ANO1: variants seen among roughly 807,000 people sequenced by gnomAD.
ANO1 encodes the protein anoctamin 1.
In ANO1, 59 loss-of-function variants were observed where a neutral mutation model predicts 124.0. The observed-to-expected ratio is 0.48, with a 90% CI of 0.39 to 0.59. The LOEUF (loss-of-function observed/expected upper bound fraction) is 0.59. Among genes scored for constraint, ANO1 ranks in the 20% least tolerant of loss-of-function variants. ANO1 has a pLI of 0.00. For synonymous variants in ANO1, 529 were observed against 532.0 expected, an observed-to-expected ratio of 0.99 and a Z score of 0.08; for missense variants, 1,059 against 1,328.0, an observed-to-expected ratio of 0.80 and a Z score of 3.15.
At chr11:70,053,479 TG>T (rs145111100) in intron 1 of ANO1, among the ~76,000 whole-genome samples, 1,595 of 152,330 alleles carry the variant, frequency 0.01, 26 homozygotes, top group African/African-American at 0.036. Context: ...AAATGCTTTT[TG>T]TAGCACCTAC....
intron 2 of ANO1, among the ~76,000 whole-genome samples, chr11:70,092,811 G>A (rs34309799): frequency 0.11 from 17,278 of 152,208 alleles, 1,122 homozygotes; most frequent in East Asian, 0.25. Context: ...GCCTGTTGAG[G>A]TCGGAGCCAT....
intron 1 of ANO1, among the ~76,000 whole-genome samples, chr11:70,041,852 T>C (rs1442307110): frequency 6.6e-6 from 1 of 152,222 alleles, no homozygotes; most frequent in African/African-American, 2.4e-5. Flanking sequence ...AAGTTCCTGG[T>C]TATTTTCCTG....
chr11:70,106,201 C>A (rs899276511), intron 5 of ANO1, among the ~76,000 whole-genome samples: 2 of 152,058 alleles, frequency 1.3e-5, no homozygotes, highest in Non-Finnish European at 2.9e-5. Flanking sequence ...GGCAAAGGCG[C>A]GTGGGTTGAG....
chr11:70,077,439 A>G (rs1012001592), upstream of ANO1, among the ~76,000 whole-genome samples: 2 of 152,184 alleles, frequency 1.3e-5, no homozygotes, highest in Non-Finnish European at 2.9e-5. Flanking sequence ...GGTGGCCAGC[A>G]TGGCCCCTGG....
chr11:70,098,582 T>G (rs1429724220), intron 2 of ANO1, among the ~76,000 whole-genome samples: 1 of 152,202 alleles, frequency 6.6e-6, no homozygotes, highest in Admixed American at 6.5e-5. Flanking sequence ...TGAAGCGGCC[T>G]GTGAGGACCA....
intron 1 of ANO1, among the ~76,000 whole-genome samples, chr11:69,999,601 G>A (rs945808113): frequency 5.3e-5 from 8 of 152,248 alleles, no homozygotes; most frequent in Middle Eastern, 3.4e-3. Context: ...TTGGCTTTAC[G>A]CACCATCTGG....
intron 11 of ANO1, among the ~76,000 whole-genome samples, chr11:70,136,063 G>C (rs1016534153): frequency 1.3e-5 from 2 of 152,354 alleles, no homozygotes; most frequent in Middle Eastern, 3.4e-3. Context: ...CGTCCTTTGA[G>C]AGGATGCAGG....
intron 5 of ANO1, among the ~76,000 whole-genome samples, chr11:70,107,484 T>G: frequency 1.2e-4 from 5 of 40,604 alleles, no homozygotes; most frequent in African/African-American, 2.1e-4. Flanking sequence ...GTGGGTCCAG[T>G]GGAGGCGGCG....
intron 11 of ANO1, among the ~76,000 whole-genome samples, chr11:70,140,883 G>A (rs1250934095): frequency 6.6e-6 from 1 of 152,220 alleles, no homozygotes; most frequent in Non-Finnish European, 1.5e-5. Context: ...ACATCTAGAG[G>A]CTGGGAATGC....
chr11:70,005,858 T>A (rs2120353255), intron 1 of ANO1, among the ~76,000 whole-genome samples: 1 of 152,322 alleles, frequency 6.6e-6, no homozygotes, highest in East Asian at 1.9e-4. Context: ...TTCTGATCAT[T>A]TTTAGTAGTA....
At chr11:70,129,895 A>G (rs1366376647) in intron 10 of ANO1, among the ~76,000 whole-genome samples, 1 of 152,138 alleles carries the variant, frequency 6.6e-6, no homozygotes, top group Admixed American at 6.5e-5. Flanking sequence ...TGCTGGGATT[A>G]CAGGCATGAG....
chr11:70,163,267 TC>T lies in ANO1; in HGVS notation c.1893-11del. The T allele has an allele frequency of 6.2e-7, 1 of 1,611,974 alleles. No homozygotes were observed. Among genetic ancestry groups the T allele is most frequent in the Non-Finnish European group, 8.5e-7 (1 of 1,179,422 alleles). ...GGGGCTCATCTTTTCTCTAACGACCTCCCCCATCGTTTCAGGTTTGTTGGAC... is the reference window on the plus strand; with the variant it reads ...GGGGCTCATCTTTTCTCTAACGACCTCCCCATCGTTTCAGGTTTGTTGGAC... On this transcript the variant is annotated splice_polypyrimidine_tract_variant and intron_variant, in intron 18 of 25. Transcript: ENST00000355303.
intron 20 of ANO1, among the ~76,000 whole-genome samples, chr11:70,166,127 G>A (rs777579920): frequency 2.6e-5 from 4 of 151,936 alleles, no homozygotes; most frequent in Non-Finnish European, 5.9e-5. Context: ...AGACCAGCCT[G>A]GCCAACATGG....
At chr11:69,975,044 G>T in the ANO1 span, among the ~76,000 whole-genome samples, 1 of 152,198 alleles carries the variant, frequency 6.6e-6, no homozygotes, top group Non-Finnish European at 1.5e-5. Context: ...GGAGGGGCTG[G>T]CGTCCCACCC....
At chr11:70,149,376 C>T (rs7102882) in intron 11 of ANO1, among the ~76,000 whole-genome samples, 38,784 of 152,150 alleles carry the variant, frequency 0.25, 5,564 homozygotes, top group East Asian at 0.43. Context: ...CTTGGCTGGG[C>T]GTGGTGGCTC....
chr11:70,144,663 C>T (rs912453259), intron 11 of ANO1, among the ~76,000 whole-genome samples: 2 of 152,258 alleles, frequency 1.3e-5, no homozygotes, highest in African/African-American at 4.8e-5. Flanking sequence ...ACCCTCTGTG[C>T]TGTGTGCTGT....
At chr11:70,026,605 G>A (rs144741010) in intron 1 of ANO1, among the ~76,000 whole-genome samples, 1,652 of 152,162 alleles carry the variant, frequency 0.011, 12 homozygotes, top group Non-Finnish European at 0.014. Context: ...TGGTAGTGGC[G>A]ACTGATATCA....
intron 5 of ANO1, among the ~76,000 whole-genome samples, chr11:70,107,490 C>CGGGGGTGGGG (rs1432604573): frequency 1.1e-4 from 7 of 64,486 alleles, no homozygotes; most frequent in African/African-American, 3.1e-4. Context: ...CCAGTGGAGG[C>CGGGGGTGGGG]GGCGGGGCGG....
intron 1 of ANO1, among the ~76,000 whole-genome samples, chr11:69,993,618 G>A (rs1396549432): frequency 6.6e-6 from 1 of 152,188 alleles, no homozygotes; most frequent in African/African-American, 2.4e-5. Flanking sequence ...ACAAAACTGT[G>A]GGCACCACTG....
Sources: gnomAD v4.1 joint callset for allele counts (sites outside exome capture counted in the v4.1 genomes callset) on GRCh38, gnomAD v4.1.1 for gene constraint, MANE v1.5 for transcripts, NCBI Gene and HGNC (gene_info 2026-07-23, HGNC 2026-07-21) for gene names.